Variants in GPHN observed in about 807,000 individuals in gnomAD.
The protein encoded by GPHN is gephyrin.
In GPHN, 17 loss-of-function variants were observed where a neutral mutation model predicts 95.5. The ratio of observed to expected loss-of-function variants is 0.18; its 90% confidence interval spans 0.12 to 0.27. The LOEUF (loss-of-function observed/expected upper bound fraction) is 0.27, where lower values mean the gene tolerates loss of function less well. Ranked by LOEUF, GPHN falls within the 10% of genes least tolerant of loss-of-function variation. GPHN has a pLI of 1.00. For missense variants in GPHN, 660 were observed against 978.1 expected (o/e 0.67, Z 4.34); for synonymous variants, 320 against 322.5 (o/e 0.99, Z 0.08).
chr14:66,580,283 G>A (rs1430360087), intron 1 of GPHN, among the ~76,000 whole-genome samples: 3 of 151,704 alleles, frequency 2.0e-5, no homozygotes, highest in Non-Finnish European at 3.0e-5. Flanking sequence ...TCAATCTAGT[G>A]TTACACTTCA....
chr14:66,930,450 A>C (rs2066725405), intron 8 of GPHN, among the ~76,000 whole-genome samples: 1 of 151,958 alleles, frequency 6.6e-6, no homozygotes, highest in South Asian at 2.1e-4. Context: ...CTACACTTTA[A>C]ATTCATCCCC....
chr14:67,630,224 T>C, the GPHN span, among the ~76,000 whole-genome samples: 3 of 152,196 alleles, frequency 2.0e-5, no homozygotes, highest in South Asian at 2.1e-4. Context: ...ATGGGTATCA[T>C]AGATAACAGT....
chr14:66,688,581 C>T (rs1209455733), intron 2 of GPHN, among the ~76,000 whole-genome samples: 2 of 152,122 alleles, frequency 1.3e-5, no homozygotes, highest in East Asian at 1.9e-4. Context: ...TTCATCAGTT[C>T]TAAGAGTCTT....
chr14:66,628,981 C>T (rs953183234), intron 1 of GPHN, among the ~76,000 whole-genome samples: 3 of 149,900 alleles, frequency 2.0e-5, no homozygotes, highest in Non-Finnish European at 4.4e-5. Flanking sequence ...GGAAAGATTG[C>T]TTGAGCACAG....
rs1332157471 is a variant in GPHN at position 67,066,818 on chromosome 14, T to A, written c.1144+8032T>A. Among the ~76,000 whole-genome samples the A allele has an allele frequency of 1.3e-5, 2 of 152,200 alleles. 1 individual carries two copies. Among genetic ancestry groups the A allele is most frequent in the Middle Eastern group, 6.3e-3 (2 of 316 alleles). On this transcript the variant is annotated intron_variant, in intron 11 of 22. Coordinates refer to ENST00000478722, the MANE Select transcript of GPHN (RefSeq NM_020806.5). ...TCTTCTCTACACTGTTTATTCTCAT[T>A]AGCCATTCGTCTAACCTTTTTTCAA...
intron 21 of GPHN, among the ~76,000 whole-genome samples, chr14:67,176,247 T>A (rs903927197): frequency 3.3e-5 from 5 of 152,176 alleles, no homozygotes; most frequent in African/African-American, 1.2e-4. Context: ...TTGAGATACA[T>A]TCCATCAATA....
chr14:67,398,532 A>G, the GPHN span, among the ~76,000 whole-genome samples: 1 of 149,622 alleles, frequency 6.7e-6, no homozygotes, highest in Non-Finnish European at 1.5e-5. Context: ...TATTTCTGCC[A>G]CCTGAGAACC....
At chr14:67,709,462 G>C in the GPHN span, among the ~76,000 whole-genome samples, 2 of 152,166 alleles carry the variant, frequency 1.3e-5, no homozygotes, top group African/African-American at 2.4e-5. Context: ...GTTGGTTAAT[G>C]CTTCAAGAAA....
intron 21 of GPHN, among the ~76,000 whole-genome samples, chr14:67,175,609 G>T (rs1177051189): frequency 6.6e-6 from 1 of 152,076 alleles, no homozygotes; most frequent in Non-Finnish European, 1.5e-5. Flanking sequence ...TTCCAATTTT[G>T]TGAAGAAAGT....
intron 1 of GPHN, among the ~76,000 whole-genome samples, chr14:66,593,587 T>C (rs1412989817): frequency 6.6e-6 from 1 of 152,118 alleles, no homozygotes; most frequent in Non-Finnish European, 1.5e-5. Flanking sequence ...CAGGTCTCTT[T>C]CTCAACACCC....
chr14:67,254,529 C>T, the GPHN span, among the ~76,000 whole-genome samples: 1 of 152,200 alleles, frequency 6.6e-6, no homozygotes, highest in African/African-American at 2.4e-5. Context: ...TTTGTATTCT[C>T]ATTAGCCTTC....
At chr14:67,299,205 T>G in the GPHN span, among the ~76,000 whole-genome samples, 32 of 152,226 alleles carry the variant, frequency 2.1e-4, no homozygotes, top group African/African-American at 7.0e-4. Context: ...CTATCTTTTG[T>G]GAAATATCCG....
At chr14:66,663,614 G>A (rs1434600566) in intron 1 of GPHN, among the ~76,000 whole-genome samples, 1 of 152,090 alleles carries the variant, frequency 6.6e-6, no homozygotes, top group African/African-American at 2.4e-5. Flanking sequence ...ATAATGACAG[G>A]ATCAAATCTG....
the GPHN span, among the ~76,000 whole-genome samples, chr14:67,596,970 G>A: frequency 1.3e-5 from 2 of 152,154 alleles, no homozygotes; most frequent in Non-Finnish European, 2.9e-5. Context: ...CACTAGCTCT[G>A]GTTTTCTTTG....
the GPHN span, among the ~76,000 whole-genome samples, chr14:67,440,489 C>T: frequency 6.6e-6 from 1 of 152,124 alleles, no homozygotes; most frequent in African/African-American, 2.4e-5. Context: ...GGACTGGGCG[C>T]GTGGCTCACA....
At chr14:67,002,752 T>C (rs2072321895) in intron 9 of GPHN, among the ~76,000 whole-genome samples, 1 of 151,622 alleles carries the variant, frequency 6.6e-6, no homozygotes, top group Admixed American at 6.6e-5. Flanking sequence ...ATGCCTGATA[T>C]GTGTAAGTAC....
At chr14:67,561,928 A>G in the GPHN span, 1 of 1,575,772 alleles carries the variant, frequency 6.3e-7, no homozygotes, top group African/African-American at 1.3e-5. Flanking sequence ...TGGGTGTCCT[A>G]AATCTTCATT....
At chr14:66,588,669 T>G (rs2140569246) in intron 1 of GPHN, among the ~76,000 whole-genome samples, 1 of 151,998 alleles carries the variant, frequency 6.6e-6, no homozygotes, top group East Asian at 1.9e-4. Context: ...AAATAAAGTG[T>G]GAAGACAAGA....
chr14:67,547,430 A>C, the GPHN span, among the ~76,000 whole-genome samples: 2 of 152,212 alleles, frequency 1.3e-5, no homozygotes, highest in African/African-American at 4.8e-5. Flanking sequence ...AAGACAAGTT[A>C]TAGATCGCAG....
Sources: gnomAD v4.1 joint callset for allele counts (sites outside exome capture counted in the v4.1 genomes callset) on GRCh38, gnomAD v4.1.1 for gene constraint, MANE v1.5 for transcripts, NCBI Gene and HGNC (gene_info 2026-07-23, HGNC 2026-07-21) for gene names.